Variants in CATSPERT observed in about 807,000 individuals in gnomAD.
CATSPERT encodes cation channel sperm-associated targeting subunit tau.
At chr2:201,581,512 ATATATATATAT>A in the CATSPERT span, among the ~76,000 whole-genome samples, 12 of 93,002 alleles carry the variant, frequency 1.3e-4, no homozygotes, top group East Asian at 5.5e-4. Flanking sequence ...ATATATATAT[ATATATATATAT>A]AAAATATTCT....
chr2:201,563,473 C>CCG, the CATSPERT span, among the ~76,000 whole-genome samples: 1 of 110,440 alleles, frequency 9.1e-6, no homozygotes, highest in Non-Finnish European at 1.9e-5. Flanking sequence ...GGGCTGACCC[C>CCG]CCACCTCCCT....
chr2:201,603,411 C>A, the CATSPERT span: 2 of 678,754 alleles, frequency 2.9e-6, no homozygotes, highest in South Asian at 3.1e-5. Context: ...TATTGTTTCT[C>A]ATGAAAAATA....
At chr2:201,593,280 A>T in the CATSPERT span, among the ~76,000 whole-genome samples, 1 of 151,080 alleles carries the variant, frequency 6.6e-6, no homozygotes, top group Non-Finnish European at 1.5e-5. Flanking sequence ...GTTTCCATGT[A>T]GTTGAGCGGT....
chr2:201,537,611 C>G, the CATSPERT span: 1 of 619,244 alleles, frequency 1.6e-6, no homozygotes, highest in Admixed American at 3.1e-5. Context: ...AGCAGCTATC[C>G]AAACATAAAC....
chr2:201,610,443 G>A, the CATSPERT span, among the ~76,000 whole-genome samples: 3 of 135,000 alleles, frequency 2.2e-5, no homozygotes, highest in African/African-American at 8.2e-5. Context: ...GGGTGACAGT[G>A]CGAGACTCCG....
the CATSPERT span, among the ~76,000 whole-genome samples, chr2:201,587,420 A>C: frequency 2.0e-5 from 3 of 151,898 alleles, no homozygotes; most frequent in African/African-American, 7.3e-5. Flanking sequence ...TTTGTCTTTC[A>C]CCATCTTTTT....
chr2:201,566,725 T>A, the CATSPERT span, among the ~76,000 whole-genome samples: 1 of 152,168 alleles, frequency 6.6e-6, no homozygotes, highest in African/African-American at 2.4e-5. Flanking sequence ...TACCCAGTAT[T>A]GGGATGGCTG....
At chr2:201,500,863 T>C in the CATSPERT span, among the ~76,000 whole-genome samples, 1 of 152,320 alleles carries the variant, frequency 6.6e-6, no homozygotes, top group East Asian at 1.9e-4. Flanking sequence ...CATACTGAAA[T>C]TTATTCTTTT....
At chr2:201,560,853 G>A in the CATSPERT span, among the ~76,000 whole-genome samples, 1 of 151,726 alleles carries the variant, frequency 6.6e-6, no homozygotes, top group African/African-American at 2.4e-5. Flanking sequence ...CATGATCTCA[G>A]CTCACTGCAA....
chr2:201,545,370 C>A, the CATSPERT span, among the ~76,000 whole-genome samples: 30 of 152,124 alleles, frequency 2.0e-4, no homozygotes, highest in African/African-American at 7.0e-4. Flanking sequence ...TAGGGTCTAA[C>A]ACTTTTCTTT....
the CATSPERT span, among the ~76,000 whole-genome samples, chr2:201,585,430 C>G: frequency 6.9e-6 from 1 of 144,150 alleles, no homozygotes; most frequent in African/African-American, 2.6e-5. Context: ...AAAGACCAGG[C>G]AAACAAAATC....
the CATSPERT span, among the ~76,000 whole-genome samples, chr2:201,570,928 C>T: frequency 1.3e-5 from 2 of 152,174 alleles, no homozygotes; most frequent in Non-Finnish European, 2.9e-5. Flanking sequence ...TTCTTTCCTC[C>T]CCAACTTCCC....
At chr2:201,618,222 G>A in the CATSPERT span, among the ~76,000 whole-genome samples, 1 of 152,062 alleles carries the variant, frequency 6.6e-6, no homozygotes, top group Non-Finnish European at 1.5e-5. Flanking sequence ...TATACCCAAA[G>A]GATTATAAAT....
the CATSPERT span, among the ~76,000 whole-genome samples, chr2:201,618,216 C>T: frequency 1.3e-5 from 2 of 152,130 alleles, no homozygotes; most frequent in African/African-American, 2.4e-5. Flanking sequence ...TGGGCATATA[C>T]CCAAAGGATT....
chr2:201,488,164 C>A, the CATSPERT span, among the ~76,000 whole-genome samples: 1 of 152,172 alleles, frequency 6.6e-6, no homozygotes, highest in Admixed American at 6.5e-5. Flanking sequence ...TTAAAAAGAT[C>A]TGTTACAAAG....
At chr2:201,504,041 C>A in the CATSPERT span, among the ~76,000 whole-genome samples, 2 of 152,158 alleles carry the variant, frequency 1.3e-5, no homozygotes, top group African/African-American at 2.4e-5. Flanking sequence ...CCTTATCTTT[C>A]CAGTGGTTCT....
the CATSPERT span, among the ~76,000 whole-genome samples, chr2:201,575,504 T>C: frequency 6.6e-6 from 1 of 152,082 alleles, no homozygotes; most frequent in Admixed American, 6.5e-5. Context: ...TTCATCTGTA[T>C]TTACAGCCAC....
At chr2:201,492,426 A>G in the CATSPERT span, 2 of 1,533,078 alleles carry the variant, frequency 1.3e-6, no homozygotes, top group African/African-American at 2.7e-5. Context: ...AAGCTATCAG[A>G]TAGTTTTGTA....
chr2:201,601,182 C>T, the CATSPERT span, among the ~76,000 whole-genome samples: 3 of 152,178 alleles, frequency 2.0e-5, no homozygotes, highest in South Asian at 6.2e-4. Flanking sequence ...ATTCCCAGCT[C>T]AACCACTTAC....
Sources: allele counts gnomAD v4.1 joint callset (sites outside exome capture counted in the v4.1 genomes callset), GRCh38; gene constraint gnomAD v4.1.1; transcripts MANE v1.5; gene names NCBI Gene and HGNC (gene_info 2026-07-23, HGNC 2026-07-21).